Variants in CNTLN observed in about 807,000 individuals in gnomAD.
The protein encoded by CNTLN is centlein, centrosomal protein.
A neutral mutation model predicts 180.0 loss-of-function variants in CNTLN; 212 were observed. That is an observed-to-expected ratio of 1.18 (90% CI 1.05 to 1.32). The LOEUF is 1.32. CNTLN is among the 40% of genes most tolerant of loss of function. The pLI is 0.00. For synonymous variants in CNTLN, 722 were observed against 563.1 expected (o/e 1.28, Z -3.99); for missense variants, 2,095 against 1,610.9 (o/e 1.30, Z -5.14).
At chr9:17,511,534 G>A in the CNTLN span, among the ~76,000 whole-genome samples, 1 of 152,098 alleles carries the variant, frequency 6.6e-6, no homozygotes, top group Non-Finnish European at 1.5e-5. Flanking sequence ...CAGTTCAGTT[G>A]TTCTCAGTTG....
rs760141331 is a variant in CNTLN at position 17,209,020 on chromosome 9, C to CAA, written c.450-17182_450-17181dup. Reference sequence around the variant, plus strand: ...TTGCCCTTTCCTAGTTCTTTAAGATCAATGGTTAGGTTGTTTATTTGAAGT... The same window carrying CAA: ...TTGCCCTTTCCTAGTTCTTTAAGATCAAAATGGTTAGGTTGTTTATTTGAAGT... On this transcript the variant is annotated intron_variant, in intron 2 of 25. Transcript: ENST00000380647. Among the ~76,000 whole-genome samples the CAA allele has an allele frequency of 4.6e-5, 7 of 151,966 alleles. No individual in the cohort carries two copies. The East Asian group carries it at 1.2e-3, about 25-fold the overall frequency.
At chr9:17,171,558 T>C (rs1450584861) in intron 2 of CNTLN, among the ~76,000 whole-genome samples, 1 of 152,164 alleles carries the variant, frequency 6.6e-6, no homozygotes, top group Non-Finnish European at 1.5e-5. Flanking sequence ...CTGATCTCTT[T>C]TTCTCTTGTG....
At chr9:17,520,790 T>C in the CNTLN span, among the ~76,000 whole-genome samples, 1 of 152,200 alleles carries the variant, frequency 6.6e-6, no homozygotes, top group African/African-American at 2.4e-5. Context: ...ACATTTGAGA[T>C]GTGTGTTTGC....
chr9:17,381,056 C>G (rs567653152), intron 13 of CNTLN, among the ~76,000 whole-genome samples: 1 of 152,358 alleles, frequency 6.6e-6, no homozygotes, highest in East Asian at 1.9e-4. Flanking sequence ...ACAATTCGTA[C>G]TGTCAGTGTT....
intron 18 of CNTLN, among the ~76,000 whole-genome samples, chr9:17,439,109 TGAG>T (rs1299695838): frequency 2.0e-5 from 3 of 152,278 alleles, no homozygotes; most frequent in African/African-American, 7.2e-5. Context: ...AGAGTTATTT[TGAG>T]GAGATTTGCT....
chr9:17,419,583 C>T (rs1348868055), intron 18 of CNTLN, among the ~76,000 whole-genome samples: 1 of 152,038 alleles, frequency 6.6e-6, no homozygotes, highest in African/African-American at 2.4e-5. Context: ...GATATTTTCT[C>T]ACACTAGGCA....
chr9:17,210,662 T>C (rs1290370782), intron 2 of CNTLN, among the ~76,000 whole-genome samples: 1 of 152,220 alleles, frequency 6.6e-6, no homozygotes, highest in African/African-American at 2.4e-5. Context: ...TTAAACTAGT[T>C]TACAGTCCCA....
At chr9:17,278,075 C>T (rs961297329) in intron 6 of CNTLN, among the ~76,000 whole-genome samples, 2 of 152,148 alleles carry the variant, frequency 1.3e-5, no homozygotes, top group African/African-American at 4.8e-5. Flanking sequence ...CAGGCACTAT[C>T]AAACTGTGGC....
At chr9:17,166,523 G>T (rs1301912453) in intron 2 of CNTLN, among the ~76,000 whole-genome samples, 2 of 152,134 alleles carry the variant, frequency 1.3e-5, no homozygotes, top group East Asian at 1.9e-4. Context: ...CCAGCACAAA[G>T]AACTATTGCA....
intron 18 of CNTLN, among the ~76,000 whole-genome samples, chr9:17,443,678 T>C (rs1830238791): frequency 6.6e-6 from 1 of 152,044 alleles, no homozygotes; most frequent in Admixed American, 6.5e-5. Flanking sequence ...TGTATTTTTC[T>C]TTATATACCT....
intron 13 of CNTLN, among the ~76,000 whole-genome samples, chr9:17,374,830 A>C (rs948771116): frequency 1.1e-4 from 16 of 151,922 alleles, no homozygotes; most frequent in African/African-American, 3.9e-4. Flanking sequence ...ACTGCACTCC[A>C]GCCTGGGTGA....
intron 18 of CNTLN, among the ~76,000 whole-genome samples, chr9:17,441,266 T>C (rs1588000876): frequency 6.6e-6 from 1 of 152,302 alleles, no homozygotes; most frequent in South Asian, 2.1e-4. Context: ...CTTAAAAGCA[T>C]GTGAAAGTAT....
At chr9:17,445,491 C>A (rs186795858) in intron 18 of CNTLN, among the ~76,000 whole-genome samples, 4 of 152,244 alleles carry the variant, frequency 2.6e-5, no homozygotes, top group African/African-American at 9.6e-5. Flanking sequence ...TATAACCTTA[C>A]CCCCAACCCC....
intron 2 of CNTLN, among the ~76,000 whole-genome samples, chr9:17,161,023 TAAG>T (rs1819640979): frequency 6.6e-6 from 1 of 152,174 alleles, no homozygotes; most frequent in African/African-American, 2.4e-5. Context: ...CAATTTATAA[TAAG>T]AATTTGATAA....
intron 2 of CNTLN, among the ~76,000 whole-genome samples, chr9:17,215,829 G>T (rs539791914): frequency 6.6e-6 from 1 of 152,130 alleles, no homozygotes; most frequent in East Asian, 1.9e-4. Context: ...GCGAGGCTCC[G>T]TGGGTGTGGG....
In CNTLN at chr9:17,266,578, A is replaced by G. The variant is rs143995915; in HGVS notation, c.850-7155A>G. 6.7e-3 allele frequency among the ~76,000 whole-genome samples: 1,026 copies of G among 152,144 alleles called. 11 individuals are homozygous for G. Among genetic ancestry groups the G allele is most frequent in the African/African-American group, 0.023 (967 of 41,506 alleles). On this transcript the variant is annotated intron_variant, in intron 5 of 25. Coordinates refer to ENST00000380647, the MANE Select transcript of CNTLN (RefSeq NM_017738.4). The stretch of plus-strand genomic sequence containing the variant: ...TCTGCTTGGTGCAGAGCTGAGTTCA[A>G]TTCCTGGGTATCCTTGTTAACTTTC...
intron 8 of CNTLN, among the ~76,000 whole-genome samples, chr9:17,312,901 A>G (rs551322237): frequency 2.6e-5 from 4 of 152,238 alleles, no homozygotes; most frequent in South Asian, 2.1e-4. Flanking sequence ...TTTTCTATCA[A>G]TTGCTTTAGA....
intron 2 of CNTLN, among the ~76,000 whole-genome samples, chr9:17,214,870 T>C (rs112458157): frequency 0.026 from 3,965 of 152,326 alleles, 176 homozygotes; most frequent in African/African-American, 0.089. Context: ...GTGCATTCAT[T>C]ACGTAGTCCT....
intron 2 of CNTLN, among the ~76,000 whole-genome samples, chr9:17,214,700 T>G (rs1246806714): frequency 6.6e-6 from 1 of 152,196 alleles, no homozygotes; most frequent in Non-Finnish European, 1.5e-5. Flanking sequence ...ACCAATTAGA[T>G]GTAGATTTGG....
Sources: allele counts gnomAD v4.1 joint callset (sites outside exome capture counted in the v4.1 genomes callset), GRCh38; gene constraint gnomAD v4.1.1; transcripts MANE v1.5; gene names NCBI Gene and HGNC (gene_info 2026-07-23, HGNC 2026-07-21).